ADAD1: variants seen among roughly 807,000 people sequenced by gnomAD.
ADAD1 encodes adenosine deaminase domain-containing protein 1.
In ADAD1, 46 loss-of-function variants were observed where a neutral mutation model predicts 66.8. The observed-to-expected ratio is 0.69, with a 90% CI of 0.54 to 0.88. The LOEUF (loss-of-function observed/expected upper bound fraction) is 0.88. Among genes scored for constraint, ADAD1 ranks in the 40% least tolerant of loss-of-function variants. The pLI is 0.00. For synonymous variants in ADAD1, 248 were observed against 229.4 expected, an observed-to-expected ratio of 1.08 and a Z score of -0.73; for missense variants, 617 against 681.8, an observed-to-expected ratio of 0.91 and a Z score of 1.06.
At position 122,383,895 on chromosome 4, in the gene ADAD1, A is replaced by G. The variant is rs759796514; in HGVS notation, c.458A>G (p.Asn153Ser). 13 of 1,613,996 alleles carry G rather than the reference A, an allele frequency of 8.1e-6. No homozygotes were observed. In the Middle Eastern group the frequency reaches 5.0e-4, roughly 62 times the overall value. The change falls in exon 5 of 13, where the codon AAT (asparagine) becomes AGT (serine). Residue 153 changes from asparagine (N) to serine (S), a missense_variant. Coordinates refer to ENST00000296513, the MANE Select transcript of ADAD1 (RefSeq NM_139243.4). ...LGQNKKESRSNAAKLALDELL... is the reference protein window; with the variant it reads ...LGQNKKESRSSAAKLALDELL... ...CAAAATAAAAAGGAGTCTAGATCCA[A>G]TGCAGCAAAATTAGCTCTTGATGAG... is the stretch of plus-strand genomic sequence containing the variant.
intron 5 of ADAD1, 111 bp downstream of exon 5, chr4:122,384,077 C>T (rs1195822677): frequency 6.8e-6 from 7 of 1,023,434 alleles, no homozygotes; most frequent in East Asian, 5.3e-5. Flanking sequence ...ATAGAAGTTG[C>T]AGGATTTGAA....
At chr4:122,403,111 G>A (rs770730796) in intron 7 of ADAD1, among the ~76,000 whole-genome samples, 13 of 152,080 alleles carry the variant, frequency 8.5e-5, no homozygotes, top group Non-Finnish European at 1.6e-4. Flanking sequence ...TTCTCATTTG[G>A]GGAGACTGTT....
chr4:122,381,016 C>A lies in ADAD1; in HGVS notation c.197C>A (p.Ser66Tyr). ...GGTAATTTTCCAGAGCCGTTGCTTT[C>A]CAAGAATCTTTCATCTATTTCAAAT... ...VTGNFPEPLL[S>Y]KNLSSISNPV... The change falls in exon 4 of 13, where the codon TCC becomes TAC. Residue 66 changes from serine (S) to tyrosine (Y), a missense_variant. By Grantham distance (144) the Ser-to-Tyr change is moderately radical (BLOSUM62 -2). Transcript: ENST00000296513. The A allele has an allele frequency of 6.3e-7, 1 of 1,595,618 alleles. No homozygotes were observed. The highest frequency in any genetic ancestry group is 8.5e-7 in the Non-Finnish European group (1 of 1,175,962).
At chr4:122,386,184 C>A (rs1795163100) in intron 5 of ADAD1, among the ~76,000 whole-genome samples, 1 of 152,182 alleles carries the variant, frequency 6.6e-6, no homozygotes, top group African/African-American at 2.4e-5. Context: ...TCCTATTTCT[C>A]CACAGCCTCA....
In ADAD1 at chr4:122,413,851, C is replaced by CATATATATATATATAT. The variant is rs377322878; in HGVS notation, c.1249+1053_1249+1068dup. 3.6e-3 allele frequency among the ~76,000 whole-genome samples: 461 copies of CATATATATATATATAT among 126,522 alleles called. 9 individuals carry two copies. Among genetic ancestry groups the CATATATATATATATAT allele is most frequent in the African/African-American group, 7.3e-3 (252 of 34,492 alleles). The allele number at this position is 126,522 out of a possible 152,430, so 83.0% of individuals were successfully genotyped here. ...TTTCACGCTGCTGCTTATGATAGAT[C>CATATATATATATATAT]ATATATATATATATATATATATATA... is the stretch of plus-strand genomic sequence containing the variant. On this transcript the variant is annotated intron_variant, in intron 10 of 12. Coordinates refer to ENST00000296513, the MANE Select transcript of ADAD1 (RefSeq NM_139243.4).
chr4:122,386,598 G>A (rs1469945236), intron 5 of ADAD1, among the ~76,000 whole-genome samples: 1 of 152,156 alleles, frequency 6.6e-6, no homozygotes, highest in East Asian at 1.9e-4. Context: ...TTTTTAACAT[G>A]AAGTCTTTGC....
At chr4:122,419,893 A>G (rs1796926218) in intron 11 of ADAD1, among the ~76,000 whole-genome samples, 1 of 152,188 alleles carries the variant, frequency 6.6e-6, no homozygotes, top group African/African-American at 2.4e-5. Context: ...TTTTTACAGG[A>G]TAAAGTATAT....
intron 2 of ADAD1, chr4:122,379,796 A>C: frequency 3.1e-6 from 1 of 326,216 alleles, no homozygotes; most frequent in Non-Finnish European, 5.6e-6. Context: ...GAGTAGTTTT[A>C]AGGTCTTTTA....
At chr4:122,411,761 A>G (rs190577404) in intron 9 of ADAD1, among the ~76,000 whole-genome samples, 39 of 152,266 alleles carry the variant, frequency 2.6e-4, no homozygotes, top group Middle Eastern at 3.4e-3. Context: ...AAAAAATAAA[A>G]TCTGAAACAC....
chr4:122,391,532 A>T (rs1277120791), intron 5 of ADAD1, among the ~76,000 whole-genome samples: 3 of 152,142 alleles, frequency 2.0e-5, no homozygotes, highest in Non-Finnish European at 4.4e-5. Context: ...GCCCAGGGAG[A>T]TCCAAATTCT....
chr4:122,383,749 A>G (rs1795019868), intron 4 of ADAD1, 50 bp from the exon 5 acceptor site: 16 of 1,537,142 alleles, frequency 1.0e-5, no homozygotes, highest in Non-Finnish European at 1.4e-5. Flanking sequence ...CATTGTTTGC[A>G]AGAATATAAT....
chr4:122,411,429 G>A (rs1167507677), intron 9 of ADAD1, 37 bp downstream of exon 9: 1 of 1,564,162 alleles, frequency 6.4e-7, no homozygotes, highest in East Asian at 2.3e-5. Context: ...AAGCAAGTAG[G>A]ATGGCCATGC....
chr4:122,401,167 T>C (rs1795960633), intron 7 of ADAD1, among the ~76,000 whole-genome samples: 1 of 152,128 alleles, frequency 6.6e-6, no homozygotes, highest in Admixed American at 6.5e-5. Context: ...AGCACCCCTT[T>C]TGCTGTATCC....
chr4:122,386,837 G>C (rs988832852), intron 5 of ADAD1, among the ~76,000 whole-genome samples: 1 of 152,160 alleles, frequency 6.6e-6, no homozygotes, highest in African/African-American at 2.4e-5. Flanking sequence ...TTGAAGATCA[G>C]ATGGTTGTAG....
intron 10 of ADAD1, among the ~76,000 whole-genome samples, chr4:122,413,098 G>A (rs1364781946): frequency 6.6e-6 from 1 of 152,030 alleles, no homozygotes; most frequent in Non-Finnish European, 1.5e-5. Flanking sequence ...TGGTGCTTTG[G>A]GAAAGATCAG....
intron 7 of ADAD1, among the ~76,000 whole-genome samples, chr4:122,403,085 T>G (rs1423913158): frequency 6.6e-6 from 1 of 152,176 alleles, no homozygotes; most frequent in African/African-American, 2.4e-5. Context: ...ATTACCAGAT[T>G]TACTTTTCTG....
intron 11 of ADAD1, among the ~76,000 whole-genome samples, chr4:122,418,346 G>C (rs1796843211): frequency 8.5e-6 from 1 of 118,210 alleles, no homozygotes; most frequent in East Asian, 2.6e-4. Context: ...GTCTTGCTCT[G>C]TCGCCCAGGC....
At chr4:122,423,143 C>A (rs1797083655) in intron 12 of ADAD1, among the ~76,000 whole-genome samples, 1 of 152,056 alleles carries the variant, frequency 6.6e-6, no homozygotes, top group Non-Finnish European at 1.5e-5. Context: ...AGTGAGGCTA[C>A]CACCAAAAGC....
chr4:122,396,120 C>T lies in ADAD1; in HGVS notation c.599-132C>T, dbSNP rs976389889. The T allele has an allele frequency of 2.4e-5, 17 of 717,302 alleles. No individual in the cohort carries two copies. The African/African-American group carries it at 2.8e-4, about 12-fold the overall frequency. 44.4% of individuals were successfully genotyped at this position (717,302 alleles called of 1,614,324 possible). The stretch of plus-strand genomic sequence containing the variant: ...AAAACTTTGAAATCTCAGTCATGAC[C>T]TAAATTATAAATTTGCTTACAGATG... On this transcript the variant is annotated intron_variant, in intron 6 of 12. Transcript: ENST00000296513.
Sources: gnomAD v4.1 joint callset for allele counts (sites outside exome capture counted in the v4.1 genomes callset) on GRCh38, gnomAD v4.1.1 for gene constraint, MANE v1.5 for transcripts, NCBI Gene and HGNC (gene_info 2026-07-23, HGNC 2026-07-21) for gene names.